The following POFUT3 variants were observed in gnomAD, a reference collection of about 807,000 sequenced individuals.
POFUT3 encodes GDP-fucose protein O-fucosyltransferase 3.
At chr8:33,382,164 C>T in the POFUT3 span, among the ~76,000 whole-genome samples, 6 of 152,046 alleles carry the variant, frequency 3.9e-5, no homozygotes, top group Non-Finnish European at 8.8e-5. Flanking sequence ...ATGGTGGCTG[C>T]GCCTACAGTC....
At chr8:33,449,278 ATTTTTTTTTTTTT>A in the POFUT3 span, among the ~76,000 whole-genome samples, 4 of 53,724 alleles carry the variant, frequency 7.4e-5, no homozygotes, top group Admixed American at 1.3e-3. Flanking sequence ...ATCCGAGTTG[ATTTTTTTTTTTTT>A]TTTTTTTTTT....
At chr8:33,404,994 C>T in the POFUT3 span, among the ~76,000 whole-genome samples, 4 of 152,086 alleles carry the variant, frequency 2.6e-5, no homozygotes, top group Non-Finnish European at 5.9e-5. Context: ...AAAGTGAATA[C>T]TTTTGCAGGA....
At chr8:33,338,316 T>A in the POFUT3 span, among the ~76,000 whole-genome samples, 7 of 147,534 alleles carry the variant, frequency 4.7e-5, no homozygotes, top group African/African-American at 1.7e-4. Context: ...TTCTACCCAA[T>A]TTTTTTTTTT....
chr8:33,469,585 T>C, the POFUT3 span, among the ~76,000 whole-genome samples: 1 of 152,090 alleles, frequency 6.6e-6, no homozygotes, highest in Admixed American at 6.6e-5. Context: ...TGCACTTCTA[T>C]TGCAGAAATG....
chr8:33,432,407 CAAAAAAA>C, the POFUT3 span, among the ~76,000 whole-genome samples: 21 of 92,812 alleles, frequency 2.3e-4, 2 homozygotes, highest in South Asian at 7.2e-3. Context: ...GACTCTGTCT[CAAAAAAA>C]AAAAAAAAGT....
At chr8:33,372,268 C>A in the POFUT3 span, 6 of 1,080,070 alleles carry the variant, frequency 5.6e-6, no homozygotes, top group Non-Finnish European at 6.7e-6. Flanking sequence ...CCCTCCATTG[C>A]ACAAGGAAAG....
chr8:33,324,192 C>T, the POFUT3 span, among the ~76,000 whole-genome samples: 1 of 152,152 alleles, frequency 6.6e-6, no homozygotes, highest in Admixed American at 6.6e-5. Flanking sequence ...ATCACTTCTC[C>T]CCACACATTC....
the POFUT3 span, among the ~76,000 whole-genome samples, chr8:33,400,633 C>G: frequency 1.4e-4 from 22 of 151,990 alleles, no homozygotes; most frequent in Non-Finnish European, 3.1e-4. Flanking sequence ...AGTGAAAGAG[C>G]TCTTTTAAAT....
At chr8:33,312,442 G>C in the POFUT3 span, among the ~76,000 whole-genome samples, 1,604 of 152,086 alleles carry the variant, frequency 0.011, 32 homozygotes, top group African/African-American at 0.036. Flanking sequence ...TCTTCCCTAG[G>C]CCTTTAAAGA....
chr8:33,366,706 T>A, the POFUT3 span, among the ~76,000 whole-genome samples: 14 of 152,360 alleles, frequency 9.2e-5, no homozygotes, highest in South Asian at 2.1e-3. Context: ...GAGATTTTTA[T>A]CATTGGCAAC....
chr8:33,433,644 C>T, the POFUT3 span, among the ~76,000 whole-genome samples: 3 of 148,596 alleles, frequency 2.0e-5, no homozygotes, highest in Admixed American at 6.7e-5. Context: ...ACTAGCCAGG[C>T]TTGGTGGCAG....
the POFUT3 span, among the ~76,000 whole-genome samples, chr8:33,418,506 T>C: frequency 1.3e-5 from 2 of 151,470 alleles, no homozygotes; most frequent in African/African-American, 4.9e-5. Flanking sequence ...TTTCACCACG[T>C]TGGCTGGGCT....
At chr8:33,422,934 G>GC in the POFUT3 span, among the ~76,000 whole-genome samples, 1 of 151,880 alleles carries the variant, frequency 6.6e-6, no homozygotes, top group Non-Finnish European at 1.5e-5. Flanking sequence ...TCCCACCTCA[G>GC]CCCCCCGAGT....
the POFUT3 span, chr8:33,451,654 A>T: frequency 2.6e-5 from 4 of 151,864 alleles, no homozygotes; most frequent in Admixed American, 2.0e-4. Flanking sequence ...GTATGAACAT[A>T]TATATACATA....
the POFUT3 span, chr8:33,436,280 C>T: frequency 2.2e-6 from 3 of 1,354,386 alleles, no homozygotes; most frequent in Non-Finnish European, 3.2e-6. Context: ...CCACACACAT[C>T]CCACTGTGAA....
chr8:33,407,003 A>G, the POFUT3 span, among the ~76,000 whole-genome samples: 2 of 152,246 alleles, frequency 1.3e-5, no homozygotes, highest in Non-Finnish European at 2.9e-5. Flanking sequence ...CAAACCTTGT[A>G]TAATATGTAA....
the POFUT3 span, chr8:33,461,387 C>A: frequency 6.2e-7 from 1 of 1,610,862 alleles, no homozygotes; most frequent in Non-Finnish European, 8.5e-7. Flanking sequence ...GTGTGACAAG[C>A]AGAAAGACGG....
At chr8:33,446,468 A>AG in the POFUT3 span, among the ~76,000 whole-genome samples, 12,246 of 151,306 alleles carry the variant, frequency 0.081, 638 homozygotes, top group African/African-American at 0.15. Context: ...AAAAAAAAAA[A>AG]AAAATACTTG....
chr8:33,396,482 T>G, the POFUT3 span, among the ~76,000 whole-genome samples: 3 of 152,188 alleles, frequency 2.0e-5, no homozygotes. Context: ...GCTGTCTTGC[T>G]CCTTGATTTT....
Sources: allele counts gnomAD v4.1 joint callset (sites outside exome capture counted in the v4.1 genomes callset), GRCh38; gene constraint gnomAD v4.1.1; transcripts MANE v1.5; gene names NCBI Gene and HGNC (gene_info 2026-07-23, HGNC 2026-07-21).